RBFOX1: variants seen among roughly 807,000 people sequenced by gnomAD.
RBFOX1 encodes RNA binding fox-1 homolog 1.
RBFOX1 carries 8 observed loss-of-function variants against 57.7 expected under a neutral mutation model. The ratio of observed to expected loss-of-function variants is 0.14; its 90% CI spans 0.08 to 0.25. The LOEUF (loss-of-function observed/expected upper bound fraction) is 0.25. Ranked by LOEUF, RBFOX1 falls within the 10% of genes least tolerant of loss-of-function variation. The pLI is 1.00. For synonymous variants in RBFOX1, 326 were observed against 222.4 expected (o/e 1.47, Z -4.15); for missense variants, 611 against 548.5 (o/e 1.11, Z -1.14).
At chr16:5,251,389 G>A (rs1200396034) in intron 1 of RBFOX1, among the ~76,000 whole-genome samples, 6 of 152,254 alleles carry the variant, frequency 3.9e-5, no homozygotes, top group African/African-American at 1.4e-4. Flanking sequence ...CAGCACGTGT[G>A]GGGCAGGGCT....
intron 3 of RBFOX1, among the ~76,000 whole-genome samples, chr16:5,731,599 G>C (rs2052376573): frequency 1.3e-5 from 2 of 152,198 alleles, no homozygotes. Context: ...GCTCAAGAAT[G>C]TGGGCATGAA....
intron 2 of RBFOX1, among the ~76,000 whole-genome samples, chr16:5,559,903 C>T (rs1037549396): frequency 1.1e-4 from 14 of 123,176 alleles, no homozygotes; most frequent in African/African-American, 3.9e-4. Flanking sequence ...TCCTGAGATC[C>T]TTTATTCTTC....
chr16:6,839,798 C>G lies in RBFOX1; in HGVS notation c.-16+185148C>G, dbSNP rs111808116. Among the ~76,000 whole-genome samples, 119 of 152,316 alleles carry G rather than the reference C, an allele frequency of 7.8e-4. 1 individual carries two copies. Among genetic ancestry groups the G allele is most frequent in the African/African-American group, 2.7e-3 (114 of 41,584 alleles). ...TGTAGAAAGTGGATTGTAGTCATAG[C>G]TAAAATCATAGCACTTCGTGTACTC... On this transcript the variant is annotated intron_variant, in intron 3 of 15. Coordinates refer to ENST00000550418, the MANE Select transcript of RBFOX1 (RefSeq NM_018723.4).
chr16:5,903,698 T>A (rs972306290), intron 4 of RBFOX1, among the ~76,000 whole-genome samples: 1 of 152,146 alleles, frequency 6.6e-6, no homozygotes. Context: ...TGGCCTTAGA[T>A]ATGTGACCCC....
intron 1 of RBFOX1, among the ~76,000 whole-genome samples, chr16:6,183,180 G>T (rs948107671): frequency 5.9e-5 from 9 of 151,956 alleles, no homozygotes; most frequent in African/African-American, 1.9e-4. Flanking sequence ...CCATGAAGAA[G>T]AATAATAAAG....
chr16:5,408,846 A>G (rs945673234), intron 1 of RBFOX1, among the ~76,000 whole-genome samples: 8 of 152,176 alleles, frequency 5.3e-5, no homozygotes, highest in African/African-American at 1.9e-4. Flanking sequence ...AAACAGTCAG[A>G]GTTGGTGAGA....
chr16:7,220,444 C>G (rs1403357757), intron 4 of RBFOX1, among the ~76,000 whole-genome samples: 1 of 152,056 alleles, frequency 6.6e-6, no homozygotes, highest in Non-Finnish European at 1.5e-5. Context: ...TTCATAGGAA[C>G]CTAAAGAGAC....
intron 4 of RBFOX1, among the ~76,000 whole-genome samples, chr16:5,921,633 G>A (rs974475359): frequency 6.6e-5 from 10 of 152,278 alleles, no homozygotes; most frequent in East Asian, 3.9e-4. Flanking sequence ...TGGTTCTTGC[G>A]TTGCCCTAAA....
At chr16:7,600,328 G>A (rs1013167) in intron 9 of RBFOX1, among the ~76,000 whole-genome samples, 138,924 of 152,278 alleles carry the variant, frequency 0.91, 63,658 homozygotes, top group African/African-American at 0.96. Context: ...TTCTGTAGTG[G>A]AGATTATGGA....
chr16:5,898,980 T>G (rs1315641061), intron 4 of RBFOX1, among the ~76,000 whole-genome samples: 1 of 151,574 alleles, frequency 6.6e-6, no homozygotes, highest in Admixed American at 6.6e-5. Context: ...AGAGGATCAC[T>G]TGAGCCCAGG....
chr16:6,766,290 G>A (rs1446031622), intron 3 of RBFOX1, among the ~76,000 whole-genome samples: 2 of 151,906 alleles, frequency 1.3e-5, no homozygotes, highest in East Asian at 1.9e-4. Context: ...AACAGAAAAA[G>A]TAAAGAATTT....
At chr16:6,701,057 G>C (rs1056554076) in intron 3 of RBFOX1, among the ~76,000 whole-genome samples, 41 of 152,080 alleles carry the variant, frequency 2.7e-4, no homozygotes, top group African/African-American at 9.2e-4. Context: ...GTCAGACTAT[G>C]ATGTGAGCCT....
At chr16:6,828,593 G>C (rs1318157559) in intron 3 of RBFOX1, among the ~76,000 whole-genome samples, 2 of 151,732 alleles carry the variant, frequency 1.3e-5, no homozygotes, top group African/African-American at 4.8e-5. Flanking sequence ...CTGAAAAACC[G>C]GGCATGGACC....
intron 4 of RBFOX1, among the ~76,000 whole-genome samples, chr16:7,075,621 C>T (rs566091201): frequency 1.8e-4 from 27 of 151,968 alleles, no homozygotes; most frequent in Non-Finnish European, 3.1e-4. Flanking sequence ...CGCTCTGTTG[C>T]GCAGGCTGGA....
At chr16:7,376,015 C>T (rs984490543) in intron 4 of RBFOX1, among the ~76,000 whole-genome samples, 2 of 152,164 alleles carry the variant, frequency 1.3e-5, no homozygotes, top group African/African-American at 4.8e-5. Context: ...GGATCTTTTA[C>T]CAGACACTCA....
intron 3 of RBFOX1, among the ~76,000 whole-genome samples, chr16:6,881,483 G>T (rs1231383686): frequency 6.6e-6 from 1 of 152,092 alleles, no homozygotes; most frequent in African/African-American, 2.4e-5. Flanking sequence ...CTTGTAGAGG[G>T]TCAGCTACAT....
At chr16:5,392,062 A>G (rs955287060) in intron 1 of RBFOX1, among the ~76,000 whole-genome samples, 1 of 152,076 alleles carries the variant, frequency 6.6e-6, no homozygotes, top group African/African-American at 2.4e-5. Context: ...ATTCTAACTC[A>G]TAAGTGGGAG....
At chr16:7,219,443 A>C (rs1484683259) in intron 4 of RBFOX1, among the ~76,000 whole-genome samples, 1 of 152,204 alleles carries the variant, frequency 6.6e-6, no homozygotes, top group Non-Finnish European at 1.5e-5. Flanking sequence ...GGGAAAGAGA[A>C]CCGTCGGCTG....
chr16:5,977,139 A>G (rs1334713896), intron 4 of RBFOX1, among the ~76,000 whole-genome samples: 2 of 152,146 alleles, frequency 1.3e-5, no homozygotes, highest in Admixed American at 1.3e-4. Context: ...TCCGGAAACC[A>G]CTGGACTGGA....
Sources: gnomAD v4.1 joint callset for allele counts (sites outside exome capture counted in the v4.1 genomes callset) on GRCh38, gnomAD v4.1.1 for gene constraint, MANE v1.5 for transcripts, NCBI Gene and HGNC (gene_info 2026-07-23, HGNC 2026-07-21) for gene names.